Variants in RBMX2 observed in about 807,000 individuals in gnomAD.
RBMX2 encodes the protein RNA-binding motif protein, X-linked 2.
For missense variants in RBMX2, 191 were observed against 256.0 expected, an observed-to-expected ratio of 0.75 and a Z score of 1.73; for synonymous variants, 77 against 94.3, an observed-to-expected ratio of 0.82 and a Z score of 1.07.
intron 2 of RBMX2, among the ~76,000 whole-genome samples, chrX:130,403,365 C>T (rs1268988053): frequency 8.9e-6 from 1 of 111,890 alleles, no homozygotes; most frequent in South Asian, 3.7e-4. Flanking sequence ...GACTTAATTT[C>T]TTTCTTTCTT....
rs746844268 is a variant in RBMX2, at chrX:130,402,239, C to G, written c.6-16C>G. ...CTTTTCTGCCTACCCTCCCCACCCCCCCCGCCACCGTGAAGCCCTTTAACT... is the reference window on the plus strand; with the variant it reads ...CTTTTCTGCCTACCCTCCCCACCCCGCCCGCCACCGTGAAGCCCTTTAACT... On this transcript the variant is annotated splice_polypyrimidine_tract_variant and intron_variant, in intron 1 of 5. Transcript: ENST00000305536. 11 of 1,183,893 alleles carry G rather than the reference C, an allele frequency of 9.3e-6. No homozygotes were observed. Among genetic ancestry groups the G allele is most frequent in the Admixed American group, 4.7e-5 (2 of 42,475 alleles).
Position 130,402,247 on chromosome X carries a change from C to A in RBMX2, c.6-8C>A. On this transcript the variant is annotated splice_region_variant and splice_polypyrimidine_tract_variant and intron_variant, in intron 1 of 5. Transcript: ENST00000305536. ...CCTACCCTCCCCACCCCCCCCGCCA[C>A]CGTGAAGCCCTTTAACTAAGGTGAA... is the stretch of plus-strand genomic sequence containing the variant. 8.4e-7 allele frequency: 1 copy of A among 1,196,116 alleles called. No individual in the cohort carries two copies. Among genetic ancestry groups the A allele is most frequent in the Admixed American group, 2.3e-5 (1 of 44,154 alleles).
chrX:130,402,225 A>ACCCCCCCCCCCCCCCCCC, intron 1 of RBMX2, 30 bp from the exon 2 acceptor site: 1 of 984,797 alleles, frequency 1.0e-6, no homozygotes, highest in Non-Finnish European at 1.4e-6. Flanking sequence ...TTTTCTGCCT[A>ACCCCCCCCCCCCCCCCCC]CCCTCCCCAC....
intron 2 of RBMX2, among the ~76,000 whole-genome samples, chrX:130,402,939 A>G (rs2034463992): frequency 8.9e-6 from 1 of 112,952 alleles, no homozygotes; most frequent in Non-Finnish European, 1.9e-5. Flanking sequence ...CATTGTGCTA[A>G]GCACTTTATA....
intron 3 of RBMX2, among the ~76,000 whole-genome samples, chrX:130,405,927 T>C (rs1206417850): frequency 1.5e-5 from 1 of 65,449 alleles, no homozygotes; most frequent in Non-Finnish European, 2.4e-5. Flanking sequence ...GGATCTCGGC[T>C]CACTGCAAGC....
At chrX:130,402,072 C>T in intron 1 of RBMX2, 35 bp downstream of exon 1, 1 of 1,193,396 alleles carries the variant, frequency 8.4e-7, no homozygotes, top group Non-Finnish European at 1.1e-6. Flanking sequence ...GAAGGAGCAG[C>T]GGGCCACTGG....
At chrX:130,408,443 T>G (rs2034496218) in intron 3 of RBMX2, among the ~76,000 whole-genome samples, 1 of 112,655 alleles carries the variant, frequency 8.9e-6, no homozygotes, top group Non-Finnish European at 1.9e-5. Context: ...TTCATAAGTT[T>G]TGGTGTATAT....
In RBMX2 at chrX:130,412,840, C is replaced by T. The variant is rs200339178; in HGVS notation, c.961C>T (p.Arg321Cys). ...RESSNPSDRWRH is the reference protein window; with the variant it reads ...RESSNPSDRWCH ...GTCTTCGAATCCCAGTGACCGTTGG[C>T]GTCACTGAAGACTTCAGCTGCACAG... Residue 321 changes from arginine to cysteine, a missense_variant, in exon 6 of 6, where the codon CGT becomes TGT. Arg to Cys is a radical substitution (Grantham distance 180, BLOSUM62 -3). Coordinates refer to ENST00000305536, the MANE Select transcript of RBMX2 (RefSeq NM_016024.4). The T allele has an allele frequency of 1.6e-5, 19 of 1,204,129 alleles. No individual in the cohort carries two copies. Among genetic ancestry groups the T allele is most frequent in the African/African-American group, 5.3e-5 (3 of 56,745 alleles).
At chrX:130,412,016 G>A (rs933302538) in intron 5 of RBMX2, among the ~76,000 whole-genome samples, 11 of 110,919 alleles carry the variant, frequency 9.9e-5, no homozygotes, top group African/African-American at 2.6e-4. Context: ...TCCGCCTCCC[G>A]AGTTCATGCC....
At chrX:130,403,438 G>A (rs1174135200) in intron 2 of RBMX2, among the ~76,000 whole-genome samples, 4 of 111,852 alleles carry the variant, frequency 3.6e-5, no homozygotes, top group Non-Finnish European at 3.8e-5. Flanking sequence ...GCACGATCTC[G>A]GCGCACTACA....
At chrX:130,405,840 T>TCATCATCAGTGAGGTTGAACA (rs1569459974) in intron 3 of RBMX2, among the ~76,000 whole-genome samples, 1 of 28,332 alleles carries the variant, frequency 3.5e-5, no homozygotes, top group Non-Finnish European at 5.3e-5. Flanking sequence ...TGCCTTTTTT[T>TCATCATCAGTGAGGTTGAACA]TTTTTTTTTT....
Position 130,411,538 on chromosome X carries a change from G to A in RBMX2, c.481+13G>A, listed in dbSNP as rs1196527776. On this transcript the variant is annotated intron_variant, in intron 5 of 5. Coordinates refer to ENST00000305536, the MANE Select transcript of RBMX2 (RefSeq NM_016024.4). ...AAGCACAAAAAAGGTAAAGCATTAA[G>A]ACTTAAGAGAAGATTCTGGGTGGTC... The A allele has an allele frequency of 6.0e-6, 7 of 1,157,124 alleles. No homozygotes were observed. The highest frequency in any genetic ancestry group is 8.1e-6 in the Non-Finnish European group (7 of 867,441).
In RBMX2 at chrX:130,413,031, A is replaced by G. The variant is rs1438711962; in HGVS notation, c.*183A>G. On this transcript the variant is annotated 3_prime_UTR_variant, in exon 6 of 6. Coordinates refer to ENST00000305536, the MANE Select transcript of RBMX2 (RefSeq NM_016024.4). ...GCTAGATATCCTGGATATTGTTTGCACCATCCATTGTCCCTGTACCAGAGT... is the reference window on the plus strand; with the variant it reads ...GCTAGATATCCTGGATATTGTTTGCGCCATCCATTGTCCCTGTACCAGAGT... 3 of 442,236 alleles carry G rather than the reference A, an allele frequency of 6.8e-6. No individual in the cohort carries two copies. Among genetic ancestry groups the G allele is most frequent in the African/African-American group, 5.0e-5 (2 of 40,314 alleles). The allele number at this position is 442,236 out of a possible 1,213,427, so 36.4% of individuals were successfully genotyped here.
Position 130,413,044 on chromosome X carries a change from C to T in RBMX2, c.*196C>T. 2.5e-6 allele frequency: 1 copy of T among 405,192 alleles called. No homozygotes were observed. Among genetic ancestry groups the T allele is most frequent in the Non-Finnish European group, 4.1e-6 (1 of 241,865 alleles). The allele number at this position is 405,192 out of a possible 1,213,427, so 33.4% of individuals were successfully genotyped here. On this transcript the variant is annotated 3_prime_UTR_variant, in exon 6 of 6. Coordinates refer to ENST00000305536, the MANE Select transcript of RBMX2 (RefSeq NM_016024.4). ...GATATTGTTTGCACCATCCATTGTC[C>T]CTGTACCAGAGTATGTATCCTGAAC...
At chrX:130,402,518 C>G in intron 2 of RBMX2, 148 bp downstream of exon 2, 3 of 1,004,823 alleles carry the variant, frequency 3.0e-6, no homozygotes, top group Non-Finnish European at 4.0e-6. Flanking sequence ...CGTGTTACAT[C>G]TCTTTTCTGC....
rs181727752 is a variant in RBMX2 at position 130,402,223 on chromosome X, C to T, written c.6-32C>T. 4,305 of 1,184,640 alleles carry T rather than the reference C, an allele frequency of 3.6e-3. 111 individuals carry two copies. The East Asian group carries it at 0.077, about 21-fold the overall frequency. The stretch of plus-strand genomic sequence containing the variant: ...CGCACTTACTTGTCTGCTTTTCTGC[C>T]TACCCTCCCCACCCCCCCCGCCACC... On this transcript the variant is annotated intron_variant, in intron 1 of 5. Coordinates refer to ENST00000305536, the MANE Select transcript of RBMX2 (RefSeq NM_016024.4).
rs200794283 is a variant in RBMX2, at chrX:130,412,716, G to T, written c.837G>T (p.Trp279Cys). 1 of 1,208,309 alleles carries T rather than the reference G, an allele frequency of 8.3e-7. No homozygotes were observed. Residue 279 changes from tryptophan to cysteine, a missense_variant, in exon 6 of 6, where the codon TGG (tryptophan) becomes TGT (cysteine). Coordinates refer to ENST00000305536, the MANE Select transcript of RBMX2 (RefSeq NM_016024.4). The stretch of plus-strand genomic sequence containing the variant: ...GGAGCTCAGATGCACATTCTAGCTG[G>T]TATAATGGGCGTTCTGAAGGGCGTA... The part of the protein sequence containing the change: ...RGRSSDAHSS[W>C]YNGRSEGRSY...
Position 130,413,226 on chromosome X carries a change from G to A in RBMX2, c.*378G>A. The A allele has an allele frequency of 8.3e-6, 1 of 120,658 alleles. No homozygotes were observed. Among genetic ancestry groups the A allele is most frequent in the Non-Finnish European group, 1.7e-5 (1 of 57,959 alleles). The allele number at this position is 120,658 out of a possible 1,213,427, so 9.9% of individuals were successfully genotyped here. A position where few individuals can be genotyped will look rare whatever the true frequency, so the allele number is the denominator to read the frequency against. Reference sequence around the variant, plus strand: ...CCTTTCCAGTTACTAGGTTTGGACAGCTTGATGTGAACGAATGGGATAGGA... The same window carrying A: ...CCTTTCCAGTTACTAGGTTTGGACAACTTGATGTGAACGAATGGGATAGGA... On this transcript the variant is annotated 3_prime_UTR_variant, in exon 6 of 6. Coordinates refer to ENST00000305536, the MANE Select transcript of RBMX2 (RefSeq NM_016024.4).
chrX:130,412,436 C>T lies in RBMX2; in HGVS notation c.557C>T (p.Ser186Phe), dbSNP rs780428003. 3.6e-5 allele frequency: 44 copies of T among 1,206,335 alleles called. No individual in the cohort carries two copies. Among genetic ancestry groups the T allele is most frequent in the Non-Finnish European group, 4.8e-5 (43 of 894,332 alleles). ...GAGGTACAGGCAGAGCAACCATCCTCTTCGTCACCCAGACGCAAGACAGTA... is the reference window on the plus strand; with the variant it reads ...GAGGTACAGGCAGAGCAACCATCCTTTTCGTCACCCAGACGCAAGACAGTA... Reference protein sequence around the residue: ...DREVQAEQPSSSSPRRKTVKE... With the variant: ...DREVQAEQPSFSSPRRKTVKE... The change falls in exon 6 of 6, where the codon TCT becomes TTT. Residue 186 changes from serine (S) to phenylalanine (F), a missense_variant. Transcript: ENST00000305536.
Sources: gnomAD v4.1 joint callset for allele counts (sites outside exome capture counted in the v4.1 genomes callset) on GRCh38, gnomAD v4.1.1 for gene constraint, MANE v1.5 for transcripts, NCBI Gene and HGNC (gene_info 2026-07-23, HGNC 2026-07-21) for gene names.